The following RNF213 variants were observed in gnomAD, a reference collection of about 807,000 sequenced individuals.
RNF213 encodes E3 ubiquitin-protein ligase RNF213.
In RNF213, 341 loss-of-function variants were observed where a neutral mutation model predicts 514.4. The observed-to-expected ratio is 0.66, with a 90% confidence interval of 0.61 to 0.73. RNF213 has a LOEUF of 0.73. Among genes scored for constraint, RNF213 ranks in the 30% least tolerant of loss-of-function variants. RNF213 has a pLI of 0.00. For missense variants in RNF213, 5,767 were observed against 6,615.6 expected (o/e 0.87, Z 4.45); for synonymous variants, 2,655 against 2,658.2 (o/e 1.00, Z 0.04).
chr17:80,384,586 C>A (rs919003552), intron 59 of RNF213, among the ~76,000 whole-genome samples: 2 of 152,146 alleles, frequency 1.3e-5, no homozygotes, highest in Non-Finnish European at 2.9e-5. Context: ...GGAAGGACTT[C>A]CTGTCAATAC....
Position 80,327,959 on chromosome 17 carries a change from A to G in RNF213, c.3337A>G (p.Lys1113Glu). The G allele has an allele frequency of 1.3e-6, 2 of 1,537,298 alleles. No individual in the cohort carries two copies. Among genetic ancestry groups the G allele is most frequent in the Non-Finnish European group, 1.7e-6 (2 of 1,146,916 alleles). ...ACAACTGGAGCTGATTATAAAGCAC[A>G]AGAATCAGTTTCTTGACATCTGGCA... The part of the protein sequence containing the change: ...VGQLELIIKH[K>E]NQFLDIWQLR... The change falls in exon 19 of 68, where the codon AAG becomes GAG. Residue 1113 changes from lysine (K) to glutamate (E), a missense_variant. By Grantham distance (56) the Lys-to-Glu change is moderately conservative. Around this residue, in one of 13 missense-constraint regions of RNF213, gnomAD observed 516 missense variants for 566.5 expected, o/e 0.91. Transcript: ENST00000582970.
intron 6 of RNF213, among the ~76,000 whole-genome samples, 200 bp from the exon 7 acceptor site, chr17:80,290,364 CGTGTGT>C (rs550706352): frequency 5.3e-4 from 80 of 150,378 alleles, no homozygotes; most frequent in South Asian, 1.7e-3. Context: ...TGTATGTGTG[CGTGTGT>C]GAGTGCGTGC....
intron 55 of RNF213, 123 bp from the exon 56 acceptor site, chr17:80,380,708 A>G: frequency 8.7e-7 from 1 of 1,148,808 alleles, no homozygotes; most frequent in Non-Finnish European, 1.3e-6. Flanking sequence ...GCTTTGTGGA[A>G]CAGCAAGTAC....
Position 80,361,764 on chromosome 17 carries a change from A to T in RNF213, c.11231A>T (p.Gln3744Leu). 6.2e-7 allele frequency: 1 copy of T among 1,613,964 alleles called. No individual in the cohort carries two copies. The change falls in exon 39 of 68, where the codon CAG becomes CTG. Residue 3744 changes from glutamine (Q) to leucine (L), a missense_variant. This residue lies in a region of RNF213 where 355 missense variants were observed against 358.0 expected (regional missense o/e 0.99). Transcript: ENST00000582970. ...GLPKKFVDIF[Q>L]QTPLGRFLAQ... is the part of the protein sequence containing the mutation. The stretch of plus-strand genomic sequence containing the variant: ...CCCAAGAAGTTCGTGGACATCTTTC[A>T]GCAGACTCCTCTGGGCAGGTTTCTT...
At position 80,351,819 on chromosome 17, in the gene RNF213, C is replaced by T. The variant is rs1371617830; in HGVS notation, c.10303+16C>T. On this transcript the variant is annotated intron_variant, in intron 32 of 67. Coordinates refer to ENST00000582970, the MANE Select transcript of RNF213 (RefSeq NM_001256071.3). ...TTCCACGGAGGTGAGATCAGAACATCAGTCAGGGTATTTATTTATGTATTT... is the reference window on the plus strand; with the variant it reads ...TTCCACGGAGGTGAGATCAGAACATTAGTCAGGGTATTTATTTATGTATTT... 7 of 1,225,090 alleles carry T rather than the reference C, an allele frequency of 5.7e-6. No individual in the cohort carries two copies. The highest frequency in any genetic ancestry group is 8.5e-6 in the Non-Finnish European group (7 of 825,368). 75.9% of individuals were successfully genotyped at this position (1,225,090 alleles called of 1,614,324 possible). A position where few individuals can be genotyped will look rare whatever the true frequency, so the allele number is the denominator to read the frequency against.
At chr17:80,325,531 T>C (rs9899091) in intron 18 of RNF213, among the ~76,000 whole-genome samples, 9,553 of 151,976 alleles carry the variant, frequency 0.063, 442 homozygotes, top group African/African-American at 0.13. Context: ...GAGAAGGCAA[T>C]GCGACTTACC....
At chr17:80,388,495 T>A in intron 63 of RNF213, 117 bp from the exon 64 acceptor site, 1 of 773,512 alleles carries the variant, frequency 1.3e-6, no homozygotes, top group Non-Finnish European at 2.3e-6. Flanking sequence ...AGCCAAGGGA[T>A]ACACAGGGCA....
At chr17:80,298,231 C>T (rs1050430038) in intron 10 of RNF213, 90 bp from the exon 11 acceptor site, 93 of 1,339,260 alleles carry the variant, frequency 6.9e-5, no homozygotes, top group Admixed American at 1.1e-4. Context: ...TCTGTGTGCA[C>T]GGTGCTTGCT....
chr17:80,298,350 A>G lies in RNF213; in HGVS notation c.2042A>G (p.Gln681Arg). The change falls in exon 11 of 68, where the codon CAA becomes CGA. Residue 681 changes from glutamine (Q) to arginine (R), a missense_variant. Coordinates refer to ENST00000582970, the MANE Select transcript of RNF213 (RefSeq NM_001256071.3). ...CGGCTGTACCTGGTGAACCTGTGCC[A>G]AAGATGCATGGACACAAGGACGTAC... ...SWRLYLVNLC[Q>R]RCMDTRTYTW... The G allele has an allele frequency of 6.2e-7, 1 of 1,614,174 alleles. No individual in the cohort carries two copies. Among genetic ancestry groups the G allele is most frequent in the Non-Finnish European group, 8.5e-7 (1 of 1,180,038 alleles).
At position 80,379,493 on chromosome 17, in the gene RNF213, A is replaced by G. The variant is rs963683659; in HGVS notation, c.13546-127A>G. 24 of 913,004 alleles carry G rather than the reference A, an allele frequency of 2.6e-5. No individual in the cohort carries two copies. In the African/African-American group the frequency reaches 3.6e-4, roughly 14 times the overall value. 56.6% of individuals were successfully genotyped at this position (913,004 alleles called of 1,614,324 possible). ...GGTTCTCCACCCACCCGAAACAAGCACACACTGGGACAATCTGAGGGTGCT... is the reference window on the plus strand; with the variant it reads ...GGTTCTCCACCCACCCGAAACAAGCGCACACTGGGACAATCTGAGGGTGCT... On this transcript the variant is annotated intron_variant, in intron 54 of 67. Transcript: ENST00000582970.
rs1458263693 is a variant in RNF213 at position 80,309,266 on chromosome 17, G to A, written c.2655+95G>A. On this transcript the variant is annotated intron_variant, in intron 14 of 67. Coordinates refer to ENST00000582970, the MANE Select transcript of RNF213 (RefSeq NM_001256071.3). ...AAAGGAAACAGACTGATTCCCGGGT[G>A]CTGGGATGAGATGGAGCGGTGGTTT... 2.8e-6 allele frequency: 4 copies of A among 1,452,396 alleles called. No homozygotes were observed. In the African/African-American group the frequency reaches 5.6e-5, roughly 20 times the overall value. The allele number at this position is 1,452,396 out of a possible 1,614,324, so 90.0% of individuals were successfully genotyped here. A position where few individuals can be genotyped will look rare whatever the true frequency, so the allele number is the denominator to read the frequency against.
chr17:80,317,271 C>T lies in RNF213; in HGVS notation c.2895C>T (p.Leu965=), dbSNP rs748487919. 3 of 1,612,280 alleles carry T rather than the reference C, an allele frequency of 1.9e-6. No individual in the cohort carries two copies. The South Asian group carries it at 3.3e-5, about 18-fold the overall frequency. Residue 965 remains leucine (L), a synonymous_variant, in exon 16 of 68, where the codon CTC becomes CTT. Transcript: ENST00000582970. This position sits in a 1 kb window ranked among gnomAD's most constrained non-coding sequence, Gnocchi z 4.1. Reference sequence around the variant, plus strand: ...TGCTGGGAGACATGGAATGGAGGCTCACAAAGGTACCAAAAGTTTGGGGGC... The same window carrying T: ...TGCTGGGAGACATGGAATGGAGGCTTACAAAGGTACCAAAAGTTTGGGGGC... The part of the protein sequence containing the change: ...ESLLGDMEWR[L]TKEEPLSQIT...
rs745353314 is a variant in RNF213, at chr17:80,346,403, G to A, written c.8068G>A (p.Gly2690Arg). 1.2e-5 allele frequency: 20 copies of A among 1,613,024 alleles called. No homozygotes were observed. The highest frequency in any genetic ancestry group is 2.7e-5 in the African/African-American group (2 of 74,764). The change falls in exon 29 of 68, where the codon GGG becomes AGG. Residue 2690 changes from glycine (G) to arginine (R), a missense_variant. Around this residue, in one of 13 missense-constraint regions of RNF213, gnomAD observed 1,377 missense variants for 1,635.2 expected, o/e 0.84. Coordinates refer to ENST00000582970, the MANE Select transcript of RNF213 (RefSeq NM_001256071.3). The surrounding 1 kb of genome is among the most constrained non-coding windows in gnomAD (Gnocchi z 8.1). ...CCTCTGGTCGTTGATGCTGGCCATCGGGGTGTGTTACCATGCCTCTTTAGA... is the reference window on the plus strand; with the variant it reads ...CCTCTGGTCGTTGATGCTGGCCATCAGGGTGTGTTACCATGCCTCTTTAGA... ...PVLWSLMLAI[G>R]VCYHASLEKK...
intron 3 of RNF213, among the ~76,000 whole-genome samples, chr17:80,279,263 G>A (rs978768201): frequency 6.6e-6 from 1 of 152,188 alleles, no homozygotes; most frequent in African/African-American, 2.4e-5. Context: ...AGCAACACAG[G>A]CTTCACCACA....
rs1412305384 is a variant in RNF213 at position 80,273,281 on chromosome 17, G to A, written c.138G>A (p.Glu46=). ...NNNSTMASAS[E]GEMECGQELK... is the part of the protein sequence containing the mutation. ...ACTCCACAATGGCGTCGGCCTCGGA[G>A]GGTGAAATGGAGTGTGGGCAGGAGC... Residue 46 remains glutamate (E), a synonymous_variant, in exon 3 of 68, where the codon GAG becomes GAA. Transcript: ENST00000582970. 3 of 1,613,598 alleles carry A rather than the reference G, an allele frequency of 1.9e-6. No individual in the cohort carries two copies. The highest frequency in any genetic ancestry group is 2.5e-6 in the Non-Finnish European group (3 of 1,180,018).
In RNF213 at chr17:80,273,421, G is replaced by C. The variant is rs781161219; in HGVS notation, c.261+17G>C. 8.1e-6 allele frequency: 13 copies of C among 1,610,974 alleles called. No individual in the cohort carries two copies. Among genetic ancestry groups the C allele is most frequent in the Non-Finnish European group, 1.1e-5 (13 of 1,179,672 alleles). On this transcript the variant is annotated intron_variant, in intron 3 of 67. Coordinates refer to ENST00000582970, the MANE Select transcript of RNF213 (RefSeq NM_001256071.3). ...GTCCAAGAAGTGAGTGCACTGCCTCGGCTCCCCTCCGCCCCCGCTCACTCT... is the reference window on the plus strand; with the variant it reads ...GTCCAAGAAGTGAGTGCACTGCCTCCGCTCCCCTCCGCCCCCGCTCACTCT...
In RNF213 at chr17:80,372,505, G is replaced by C. The variant is rs770415374; in HGVS notation, c.12538-16G>C. On this transcript the variant is annotated splice_polypyrimidine_tract_variant and intron_variant, in intron 47 of 67. Transcript: ENST00000582970. Reference sequence around the variant, plus strand: ...AAAAAATAATATCCTTTTCTTTCTTGTTCCTTGTTCCTCAGGATTCAATAC... The same window carrying C: ...AAAAAATAATATCCTTTTCTTTCTTCTTCCTTGTTCCTCAGGATTCAATAC... 3.1e-6 allele frequency: 5 copies of C among 1,591,122 alleles called. No individual in the cohort carries two copies. The highest frequency in any genetic ancestry group is 2.2e-5 in the East Asian group (1 of 44,756).
In RNF213 at chr17:80,281,702, TACTC is replaced by T. The variant is rs760262655; in HGVS notation, c.262-6110_262-6107del. Among the ~76,000 whole-genome samples, 139 of 135,702 alleles carry T rather than the reference TACTC, an allele frequency of 1.0e-3. No homozygotes were observed. In the Middle Eastern group the frequency reaches 0.011, roughly 11 times the overall value. The allele number at this position is 135,702 out of a possible 152,430, so 89.0% of individuals were successfully genotyped here. On this transcript the variant is annotated intron_variant, in intron 3 of 67. Coordinates refer to ENST00000582970, the MANE Select transcript of RNF213 (RefSeq NM_001256071.3). ...GCAAGTCCCACTCACACCCATCTCA[TACTC>T]ACACTGAAACACACAGTGGTCCCTT...
chr17:80,385,378 C>T (rs1412537958), intron 60 of RNF213, among the ~76,000 whole-genome samples, 160 bp from the exon 61 acceptor site: 1 of 152,240 alleles, frequency 6.6e-6, no homozygotes, highest in Non-Finnish European at 1.5e-5. Flanking sequence ...CCCTCTCTAG[C>T]TCCTCAAACT....
Sources: allele counts gnomAD v4.1 joint callset (sites outside exome capture counted in the v4.1 genomes callset), GRCh38; gene constraint gnomAD v4.1.1; regional missense constraint gnomAD v4.1.1; non-coding constraint Gnocchi (gnomAD v3.1); transcripts MANE v1.5; gene names NCBI Gene and HGNC (gene_info 2026-07-23, HGNC 2026-07-21).